The following OPHN1 variants were observed in gnomAD, a reference collection of about 807,000 sequenced individuals.
OPHN1 encodes the protein oligophrenin 1.
Under a neutral mutation model 60.7 loss-of-function variants are expected in OPHN1, and 11 were observed. The ratio of observed to expected loss-of-function variants is 0.18; its 90% CI spans 0.11 to 0.30. OPHN1 has a LOEUF of 0.30. Among genes scored for constraint, OPHN1 ranks in the 10% least tolerant of loss-of-function variants. OPHN1 has a pLI of 1.00. For missense variants in OPHN1, 449 were observed against 611.0 expected, an observed-to-expected ratio of 0.73 and a Z score of 2.80; for synonymous variants, 226 against 222.6, an observed-to-expected ratio of 1.02 and a Z score of -0.14.
chrX:68,165,708 G>A (rs1449862470), intron 15 of OPHN1, among the ~76,000 whole-genome samples: 2 of 111,708 alleles, frequency 1.8e-5, no homozygotes, highest in East Asian at 2.8e-4. Context: ...TCAGTACATC[G>A]CCACAGTGCT....
At chrX:68,223,511 C>G (rs889869407) in intron 6 of OPHN1, among the ~76,000 whole-genome samples, 1 of 111,348 alleles carries the variant, frequency 9.0e-6, no homozygotes, top group African/African-American at 3.3e-5. Flanking sequence ...TATGCAGAGA[C>G]ATGCAGAGTG....
At chrX:68,433,124 G>A (rs766447969) in intron 1 of OPHN1, 44 bp downstream of exon 1, 2 of 822,917 alleles carry the variant, frequency 2.4e-6, no homozygotes, top group Non-Finnish European at 3.4e-6. Flanking sequence ...CGCGCGACCC[G>A]CTTAAGGAAG....
intron 6 of OPHN1, among the ~76,000 whole-genome samples, chrX:68,224,110 T>C (rs1233402060): frequency 1.8e-5 from 2 of 111,793 alleles, no homozygotes. Flanking sequence ...TGAATCTAAC[T>C]GACATCTTTG....
chrX:68,248,261 T>C (rs1222590395), intron 5 of OPHN1, among the ~76,000 whole-genome samples: 2 of 105,341 alleles, frequency 1.9e-5, no homozygotes, highest in Non-Finnish European at 3.8e-5. Context: ...AAAAGAAAAC[T>C]GGACCAAAAA....
intron 15 of OPHN1, among the ~76,000 whole-genome samples, chrX:68,131,808 C>T (rs2077195877): frequency 8.9e-6 from 1 of 111,882 alleles, no homozygotes; most frequent in Admixed American, 9.4e-5. Context: ...GAAATACTCA[C>T]AAAAAGTGAT....
intron 15 of OPHN1, among the ~76,000 whole-genome samples, chrX:68,144,818 C>T (rs942175574): frequency 1.3e-4 from 15 of 111,923 alleles, no homozygotes; most frequent in African/African-American, 4.9e-4. Context: ...TTTCAAGGTG[C>T]TAAGGATACA....
rs1390900352 is a variant in OPHN1, at chrX:68,194,512, T to C, written c.1105-14A>G. ...GCTGTGGTAGATCTACAAAAGAAGA[T>C]AAACAGAAAGATCCATGGCTATTGT... On this transcript the variant is annotated splice_polypyrimidine_tract_variant and intron_variant, in intron 12 of 24. Transcript: ENST00000355520. The C allele has an allele frequency of 5.1e-6, 6 of 1,184,321 alleles. No individual in the cohort carries two copies. In the Admixed American group the frequency reaches 6.5e-5, roughly 13 times the overall value.
chrX:68,414,848 C>T (rs745917438), intron 2 of OPHN1, among the ~76,000 whole-genome samples: 1 of 112,013 alleles, frequency 8.9e-6, no homozygotes, highest in Non-Finnish European at 1.9e-5. Context: ...TATGCTGAAA[C>T]CTAAGCTCAG....
chrX:68,264,862 G>A (rs1385486181), intron 5 of OPHN1, among the ~76,000 whole-genome samples: 3 of 112,434 alleles, frequency 2.7e-5, no homozygotes, highest in Admixed American at 9.3e-5. Flanking sequence ...CTTAGCAAAC[G>A]ACACACCAGG....
chrX:68,319,717 C>T (rs918725824), intron 2 of OPHN1, among the ~76,000 whole-genome samples: 7 of 109,628 alleles, frequency 6.4e-5, no homozygotes, highest in Non-Finnish European at 9.5e-5. Flanking sequence ...GCCTGAGAGA[C>T]CAGAATGAGA....
rs755248850 is a variant in OPHN1, at chrX:68,081,770, A to G, written c.1687-8471T>C. ...TGATTGATCAGGATGGTGCTTACTGAAGGCTGGAGTGGCTATGGCAATTTC... is the reference window on the plus strand; with the variant it reads ...TGATTGATCAGGATGGTGCTTACTGGAGGCTGGAGTGGCTATGGCAATTTC... On this transcript the variant is annotated intron_variant, in intron 19 of 24. Coordinates refer to ENST00000355520, the MANE Select transcript of OPHN1 (RefSeq NM_002547.3). 2.7e-5 allele frequency among the ~76,000 whole-genome samples: 3 copies of G among 111,423 alleles called. No homozygotes were observed. In the Admixed American group the frequency reaches 2.9e-4, roughly 11 times the overall value.
At chrX:68,238,643 A>T (rs2077764615) in intron 5 of OPHN1, among the ~76,000 whole-genome samples, 1 of 111,444 alleles carries the variant, frequency 9.0e-6, no homozygotes, top group African/African-American at 3.3e-5. Flanking sequence ...ATTTCTGCAT[A>T]TTTTAGTTGT....
rs1193359693 is a variant in OPHN1, at chrX:68,327,814, A to T, written c.155-28718T>A. 5.0e-4 allele frequency among the ~76,000 whole-genome samples: 52 copies of T among 103,996 alleles called. 4 individuals carry two copies. The East Asian group carries it at 7.7e-3, about 15-fold the overall frequency. 90.3% of individuals were successfully genotyped at this position (103,996 alleles called of 115,157 possible). A position where few individuals can be genotyped will look rare whatever the true frequency, so the allele number is the denominator to read the frequency against. On this transcript the variant is annotated intron_variant, in intron 2 of 24. Transcript: ENST00000355520. ...AAAAAAAATAAAAAAAAAAAAAAAA[A>T]AAATTTTAAACTTTTTTTTTTTTTT...
intron 2 of OPHN1, among the ~76,000 whole-genome samples, chrX:68,404,221 A>G (rs2147770499): frequency 9.3e-6 from 1 of 107,197 alleles, no homozygotes; most frequent in African/African-American, 3.4e-5. Context: ...GTGCAGTGGC[A>G]TGATCTCGGT....
At chrX:68,346,698 C>T (rs750433487) in intron 2 of OPHN1, among the ~76,000 whole-genome samples, 5 of 112,011 alleles carry the variant, frequency 4.5e-5, no homozygotes, top group African/African-American at 1.3e-4. Context: ...TATTAATTGT[C>T]CACAATAAGT....
chrX:68,117,316 A>C (rs2077131356), intron 16 of OPHN1, among the ~76,000 whole-genome samples: 1 of 111,910 alleles, frequency 8.9e-6, no homozygotes, highest in African/African-American at 3.2e-5. Context: ...ACCTCAGTTT[A>C]AACCAAAATG....
intron 14 of OPHN1, among the ~76,000 whole-genome samples, chrX:68,193,573 C>T (rs1390970475): frequency 1.8e-5 from 2 of 111,956 alleles, no homozygotes; most frequent in African/African-American, 6.5e-5. Context: ...CATCAATTTT[C>T]ATACCAGTAT....
At chrX:68,363,740 C>A (rs1328236091) in intron 2 of OPHN1, among the ~76,000 whole-genome samples, 7 of 111,486 alleles carry the variant, frequency 6.3e-5, no homozygotes, top group African/African-American at 2.3e-4. Context: ...GTTATATATA[C>A]TAAAACAGTC....
chrX:68,156,791 G>A (rs2077311546), intron 15 of OPHN1, among the ~76,000 whole-genome samples: 1 of 111,542 alleles, frequency 9.0e-6, no homozygotes, highest in African/African-American at 3.3e-5. Context: ...AAGAAGAAAT[G>A]AAGAGACAAC....
Sources: gnomAD v4.1 joint callset for allele counts (sites outside exome capture counted in the v4.1 genomes callset) on GRCh38, gnomAD v4.1.1 for gene constraint, MANE v1.5 for transcripts, NCBI Gene and HGNC (gene_info 2026-07-23, HGNC 2026-07-21) for gene names.